NFIB: variants seen among roughly 807,000 people sequenced by gnomAD.
NFIB encodes the protein nuclear factor I B.
NFIB carries 11 observed loss-of-function variants against 61.5 expected under a neutral mutation model. The ratio of observed to expected loss-of-function variants is 0.18; its 90% CI spans 0.11 to 0.30. NFIB has a LOEUF of 0.30. NFIB is among the 10% of genes least tolerant of loss of function. NFIB has a pLI of 1.00. For missense variants in NFIB, 471 were observed against 608.9 expected, an observed-to-expected ratio of 0.77 and a Z score of 2.38; for synonymous variants, 260 against 216.5, an observed-to-expected ratio of 1.20 and a Z score of -1.76.
intron 2 of NFIB, among the ~76,000 whole-genome samples, chr9:14,240,255 C>T (rs2054213635): frequency 6.6e-6 from 1 of 151,746 alleles, no homozygotes; most frequent in African/African-American, 2.4e-5. Flanking sequence ...CTCTCCCTCT[C>T]TCCCTCTCTC....
intron 1 of NFIB, among the ~76,000 whole-genome samples, chr9:14,350,106 G>A (rs1404777532): frequency 6.6e-6 from 1 of 152,100 alleles, no homozygotes; most frequent in Non-Finnish European, 1.5e-5. Context: ...CTGGGCCTGG[G>A]AAACCCGGAG....
chr9:14,124,864 A>G (rs544637594), intron 7 of NFIB, among the ~76,000 whole-genome samples: 17 of 152,332 alleles, frequency 1.1e-4, no homozygotes, highest in Middle Eastern at 3.4e-3. Flanking sequence ...AGTGTCAAAA[A>G]AAGTACCTTT....
intron 2 of NFIB, among the ~76,000 whole-genome samples, chr9:14,210,384 A>G (rs79102141): frequency 0.043 from 6,556 of 152,222 alleles, 411 homozygotes; most frequent in African/African-American, 0.14. Context: ...TTTTTGCAAA[A>G]AATAATTCAA....
At chr9:14,223,909 C>T (rs999081224) in intron 2 of NFIB, among the ~76,000 whole-genome samples, 1 of 152,164 alleles carries the variant, frequency 6.6e-6, no homozygotes, top group Non-Finnish European at 1.5e-5. Flanking sequence ...CCACCCTAAC[C>T]GCCCACTACA....
chr9:14,529,833 C>T, the NFIB span, among the ~76,000 whole-genome samples: 1 of 152,014 alleles, frequency 6.6e-6, no homozygotes, highest in African/African-American at 2.4e-5. Flanking sequence ...AATATTTTAC[C>T]TCTGAACTTG....
chr9:14,438,011 A>AGTGT, the NFIB span, among the ~76,000 whole-genome samples: 6,201 of 150,194 alleles, frequency 0.041, 189 homozygotes, highest in Middle Eastern at 0.075. Context: ...CCCCCATCCT[A>AGTGT]GTGTGTGTGT....
chr9:14,408,762 TTTTTA>T, the NFIB span, among the ~76,000 whole-genome samples: 3 of 152,176 alleles, frequency 2.0e-5, no homozygotes, highest in Non-Finnish European at 2.9e-5. Context: ...CTTAGAATAA[TTTTTA>T]TTTTATTTTA....
chr9:14,458,192 G>T, the NFIB span, among the ~76,000 whole-genome samples: 1 of 152,122 alleles, frequency 6.6e-6, no homozygotes, highest in Non-Finnish European at 1.5e-5. Context: ...TTCATCCCTG[G>T]GATGCAAGGC....
At chr9:14,284,908 C>T (rs1405429548) in intron 2 of NFIB, among the ~76,000 whole-genome samples, 1 of 152,148 alleles carries the variant, frequency 6.6e-6, no homozygotes, top group African/African-American at 2.4e-5. Flanking sequence ...TCTTTAAGGA[C>T]ATTTTATTTG....
the NFIB span, among the ~76,000 whole-genome samples, chr9:14,404,988 C>T: frequency 6.6e-6 from 1 of 152,156 alleles, no homozygotes; most frequent in Non-Finnish European, 1.5e-5. Context: ...TTTTCCTTTC[C>T]TGCTGGGCAT....
chr9:14,274,251 T>TATACACAC (rs1554696437), intron 2 of NFIB, among the ~76,000 whole-genome samples: 4 of 123,976 alleles, frequency 3.2e-5, no homozygotes, highest in Non-Finnish European at 6.6e-5. Flanking sequence ...TCTTCCTCCC[T>TATACACAC]ACACACACAC....
chr9:14,349,027 C>G (rs2061071155), intron 1 of NFIB, among the ~76,000 whole-genome samples: 1 of 152,240 alleles, frequency 6.6e-6, no homozygotes, highest in African/African-American at 2.4e-5. Context: ...AAAACTCCAC[C>G]GACGCTTGGA....
the NFIB span, among the ~76,000 whole-genome samples, chr9:14,432,410 T>C: frequency 6.6e-6 from 1 of 152,248 alleles, no homozygotes; most frequent in African/African-American, 2.4e-5. Context: ...CCTGGGTACA[T>C]GGTTCTCTCT....
intron 1 of NFIB, among the ~76,000 whole-genome samples, chr9:14,371,391 G>A (rs1034012637): frequency 6.6e-6 from 1 of 152,170 alleles, no homozygotes; most frequent in Non-Finnish European, 1.5e-5. Flanking sequence ...CGTTTTCAGT[G>A]GTATTATAGG....
At chr9:14,295,243 G>A (rs963432080) in intron 2 of NFIB, among the ~76,000 whole-genome samples, 1 of 152,200 alleles carries the variant, frequency 6.6e-6, no homozygotes, top group Non-Finnish European at 1.5e-5. Flanking sequence ...TAAACGGTTT[G>A]AGGTTTTGAC....
intron 1 of NFIB, among the ~76,000 whole-genome samples, chr9:14,347,053 G>A (rs1270922442): frequency 6.6e-6 from 1 of 151,848 alleles, no homozygotes; most frequent in East Asian, 1.9e-4. Context: ...GCCCCCACTC[G>A]GGAGACAACC....
At chr9:14,322,263 T>C in intron 1 of NFIB, 1 of 485,898 alleles carries the variant, frequency 2.1e-6, no homozygotes, top group East Asian at 4.3e-5. Flanking sequence ...CAGAAGGCTG[T>C]TTCTCGTGCT....
chr9:14,331,401 T>C (rs1183872754), intron 1 of NFIB, among the ~76,000 whole-genome samples: 1 of 152,210 alleles, frequency 6.6e-6, no homozygotes, highest in Non-Finnish European at 1.5e-5. Flanking sequence ...CCTCAAAGCA[T>C]TTTTATCACT....
intron 1 of NFIB, among the ~76,000 whole-genome samples, chr9:14,333,426 A>G (rs939300843): frequency 2.4e-4 from 37 of 151,986 alleles, no homozygotes; most frequent in Non-Finnish European, 1.0e-4. Context: ...TCATCCTCCC[A>G]CTCAACAGAG....
Sources: gnomAD v4.1 joint callset for allele counts (sites outside exome capture counted in the v4.1 genomes callset) on GRCh38, gnomAD v4.1.1 for gene constraint, MANE v1.5 for transcripts, NCBI Gene and HGNC (gene_info 2026-07-23, HGNC 2026-07-21) for gene names.